The following FIBCD1 variants were observed in gnomAD, a reference collection of about 807,000 sequenced individuals.
The protein encoded by FIBCD1 is fibrinogen C domain-containing protein 1.
A neutral mutation model predicts 45.1 loss-of-function variants in FIBCD1; 47 were observed. The observed-to-expected ratio is 1.04, with a 90% confidence interval of 0.82 to 1.33. FIBCD1 has a LOEUF of 1.33. Among genes scored for constraint, FIBCD1 ranks in the 40% most tolerant of loss-of-function variants. The probability of loss-of-function intolerance (pLI) is 0.00; values close to 1 mark genes in which losing one functional copy is unlikely to be tolerated. For missense variants in FIBCD1, 653 were observed against 682.2 expected, an observed-to-expected ratio of 0.96 and a Z score of 0.48; for synonymous variants, 313 against 308.1, an observed-to-expected ratio of 1.02 and a Z score of -0.17.
In FIBCD1 at chr9:130,922,151, C is replaced by A. The variant is rs1832271856; in HGVS notation, c.849+1593G>T. 6.6e-6 allele frequency among the ~76,000 whole-genome samples: 1 copy of A among 152,202 alleles called. No individual in the cohort carries two copies. Among genetic ancestry groups the A allele is most frequent in the African/African-American group, 2.4e-5 (1 of 41,456 alleles). On this transcript the variant is annotated intron_variant, in intron 4 of 6. Transcript: ENST00000372338. The surrounding 1 kb of genome is among the most constrained non-coding windows in gnomAD (Gnocchi z 4.5). ...TGTTTTGTCTGATGTTAAGCCCTTC[C>A]CCCAGATGTTTGTGGGCCTGGACAT...
Position 130,911,900 on chromosome 9 carries a change from AGATGGG to A in FIBCD1, c.850-18_850-13del. On this transcript the variant is annotated splice_polypyrimidine_tract_variant and intron_variant, in intron 4 of 6. Coordinates refer to ENST00000372338, the MANE Select transcript of FIBCD1 (RefSeq NM_032843.5). ...CGGCGCTGAAACACCTGCAAAGGGAAGATGGGGATGGGGCGTTGGCACCGACCATCC... is the reference window on the plus strand; with the variant it reads ...CGGCGCTGAAACACCTGCAAAGGGAAGATGGGGCGTTGGCACCGACCATCC... 2 of 1,563,554 alleles carry A rather than the reference AGATGGG, an allele frequency of 1.3e-6. No individual in the cohort carries two copies. The highest frequency in any genetic ancestry group is 1.7e-6 in the Non-Finnish European group (2 of 1,155,214).
chr9:130,921,796 G>A (rs546786736), intron 4 of FIBCD1, among the ~76,000 whole-genome samples: 7 of 152,354 alleles, frequency 4.6e-5, no homozygotes, highest in African/African-American at 1.2e-4. Context: ...CGTTCTTGGC[G>A]TTAGGAAAAC....
Position 130,904,090 on chromosome 9 carries a change from T to A in FIBCD1, c.1360A>T (p.Ile454Phe), listed in dbSNP as rs1159427063. The A allele has an allele frequency of 6.2e-7, 1 of 1,612,864 alleles. No homozygotes were observed. Among genetic ancestry groups the A allele is most frequent in the Admixed American group, 1.7e-5 (1 of 60,012 alleles). ...QYSLKFSEMK[I>F]RPVREDR ...TAGCGGTCCTCCCGGACCGGCCGGA[T>A]CTTCATCTCAGAGAACTTGAGTGAG... is the stretch of plus-strand genomic sequence containing the variant. Residue 454 changes from isoleucine (I) to phenylalanine (F), a missense_variant, in exon 7 of 7, where the codon ATC (isoleucine) becomes TTC (phenylalanine). By Grantham distance (21) the Ile-to-Phe change is conservative. Coordinates refer to ENST00000372338, the MANE Select transcript of FIBCD1 (RefSeq NM_032843.5).
rs769784503 is a variant in FIBCD1, at chr9:130,924,275, G to T, written c.674C>A (p.Ala225Glu). The T allele has an allele frequency of 7.3e-5, 117 of 1,601,658 alleles. No individual in the cohort carries two copies. Among genetic ancestry groups the T allele is most frequent in the Non-Finnish European group, 9.6e-5 (113 of 1,175,834 alleles). The change falls in exon 3 of 7, where the codon GCG becomes GAG. Residue 225 changes from alanine (A) to glutamate (E), a missense_variant. Coordinates refer to ENST00000372338, the MANE Select transcript of FIBCD1 (RefSeq NM_032843.5). ...CCGGGGCCGGGTTCCCCGGGCAGGC[G>T]CTCTCTGAAGGTCGGCCTTGTTGCG... Reference protein sequence around the residue: ...RPRNKADLQRAPARGTRPRGC... With the variant: ...RPRNKADLQREPARGTRPRGC...
intron 4 of FIBCD1, among the ~76,000 whole-genome samples, chr9:130,918,078 G>C (rs1462676109): frequency 6.6e-6 from 1 of 152,216 alleles, no homozygotes; most frequent in East Asian, 1.9e-4. Flanking sequence ...AGCAGCCATA[G>C]GGCAGAGCAG....
chr9:130,930,738 T>C (rs748136279), intron 1 of FIBCD1: 10 of 455,520 alleles, frequency 2.2e-5, no homozygotes, highest in South Asian at 1.1e-4. Context: ...CTAAGCTGCA[T>C]TTCCCACAGT....
chr9:130,938,236 G>A, intron 1 of FIBCD1: 2 of 330,496 alleles, frequency 6.1e-6, no homozygotes, highest in Non-Finnish European at 1.1e-5. Context: ...ACAGCGAACT[G>A]TAAGTCCCCG....
In FIBCD1 at chr9:130,922,286, T is replaced by A. The variant is rs1478837390; in HGVS notation, c.849+1458A>T. On this transcript the variant is annotated intron_variant, in intron 4 of 6. Coordinates refer to ENST00000372338, the MANE Select transcript of FIBCD1 (RefSeq NM_032843.5). The surrounding 1 kb of genome is among the most constrained non-coding windows in gnomAD (Gnocchi z 4.5). Reference sequence around the variant, plus strand: ...CTCACCGGCCCACCCCCGGGCCTGGTCTGGGGTCTCTGTTCCTGGCTAAGC... The same window carrying A: ...CTCACCGGCCCACCCCCGGGCCTGGACTGGGGTCTCTGTTCCTGGCTAAGC... Among the ~76,000 whole-genome samples the A allele has an allele frequency of 6.6e-6, 1 of 151,958 alleles. No homozygotes were observed. Among genetic ancestry groups the A allele is most frequent in the African/African-American group, 2.4e-5 (1 of 41,266 alleles).
At chr9:130,912,920 C>T (rs977120113) in intron 4 of FIBCD1, among the ~76,000 whole-genome samples, 1 of 152,090 alleles carries the variant, frequency 6.6e-6, no homozygotes, top group Admixed American at 6.5e-5. Flanking sequence ...CCTCCAGAGC[C>T]CTGTCCCTCA....
rs535425365 is a variant in FIBCD1 at position 130,903,746 on chromosome 9, A to G, written c.*318T>C. 2.1e-5 allele frequency: 10 copies of G among 479,152 alleles called. No homozygotes were observed. In the East Asian group the frequency reaches 3.5e-4, roughly 17 times the overall value. The allele number at this position is 479,152 out of a possible 1,614,324, so 29.7% of individuals were successfully genotyped here. A position where few individuals can be genotyped will look rare whatever the true frequency, so the allele number is the denominator to read the frequency against. On this transcript the variant is annotated 3_prime_UTR_variant, in exon 7 of 7. Transcript: ENST00000372338. ...GCAGAGGGTGCCTGGGGCAGACTCC[A>G]CCATCCTGGCCAGGGGACGGCAAAC...
chr9:130,911,438 CTG>C (rs1478459021), intron 5 of FIBCD1, among the ~76,000 whole-genome samples: 1 of 152,208 alleles, frequency 6.6e-6, no homozygotes, highest in Non-Finnish European at 1.5e-5. Context: ...GGGTCCTCCT[CTG>C]TCCTCCTGCT....
At position 130,912,372 on chromosome 9, in the gene FIBCD1, C is replaced by T. The variant is rs531284019; in HGVS notation, c.850-484G>A. On this transcript the variant is annotated intron_variant, in intron 4 of 6. Coordinates refer to ENST00000372338, the MANE Select transcript of FIBCD1 (RefSeq NM_032843.5). Reference sequence around the variant, plus strand: ...AGTGAGCTATGATCGTGCCACTGTACTCCAGCCTGGGCTCTCTCTCAAAAA... The same window carrying T: ...AGTGAGCTATGATCGTGCCACTGTATTCCAGCCTGGGCTCTCTCTCAAAAA... Among the ~76,000 whole-genome samples the T allele has an allele frequency of 7.9e-5, 11 of 140,050 alleles. 1 individual carries two copies. The highest frequency in any genetic ancestry group is 2.3e-4 in the South Asian group (1 of 4,358). 91.9% of individuals were successfully genotyped at this position (140,050 alleles called of 152,430 possible).
At chr9:130,913,337 T>C (rs1472382151) in intron 4 of FIBCD1, among the ~76,000 whole-genome samples, 1 of 151,568 alleles carries the variant, frequency 6.6e-6, no homozygotes, top group Non-Finnish European at 1.5e-5. Context: ...GAGTCTGATG[T>C]GTTAGAGATC....
chr9:130,911,656 C>A, intron 5 of FIBCD1, 136 bp downstream of exon 5: 2 of 698,718 alleles, frequency 2.9e-6, no homozygotes, highest in Non-Finnish European at 5.0e-6. Context: ...ATGCATGACA[C>A]CTGTGAGCTG....
chr9:130,921,894 G>A (rs191085017), intron 4 of FIBCD1, among the ~76,000 whole-genome samples: 5 of 152,254 alleles, frequency 3.3e-5, no homozygotes, highest in Admixed American at 3.3e-4. Flanking sequence ...AGATGTGTCT[G>A]TCTTTGGGGT....
At chr9:130,912,009 G>A (rs1413061015) in intron 4 of FIBCD1, 121 bp from the exon 5 acceptor site, 1 of 871,832 alleles carries the variant, frequency 1.1e-6, no homozygotes, top group Non-Finnish European at 1.8e-6. Context: ...TCTCGGGAGG[G>A]CAGGGGCCTG....
chr9:130,912,198 C>G (rs977868612), intron 4 of FIBCD1, among the ~76,000 whole-genome samples: 1 of 151,418 alleles, frequency 6.6e-6, no homozygotes, highest in African/African-American at 2.4e-5. Flanking sequence ...GCAAGGAAGG[C>G]TGAGCCCAGG....
At chr9:130,940,327 T>C (rs535912478), upstream of FIBCD1, among the ~76,000 whole-genome samples, 1 of 152,366 alleles carries the variant, frequency 6.6e-6, no homozygotes, top group African/African-American at 2.4e-5. Flanking sequence ...CCAGCCGCCT[T>C]TTCCTTCCAG....
At chr9:130,929,478 G>A in intron 2 of FIBCD1, 89 bp downstream of exon 2, 1 of 1,444,622 alleles carries the variant, frequency 6.9e-7, no homozygotes, top group Non-Finnish European at 9.1e-7. Context: ...ATTAAGTGAG[G>A]CCATGGACAT....
Sources: gnomAD v4.1 joint callset for allele counts (sites outside exome capture counted in the v4.1 genomes callset) on GRCh38, gnomAD v4.1.1 for gene constraint, Gnocchi (gnomAD v3.1) non-coding constraint, MANE v1.5 for transcripts, NCBI Gene and HGNC (gene_info 2026-07-23, HGNC 2026-07-21) for gene names.